The following MLLT10 variants were observed in gnomAD, a reference collection of about 807,000 sequenced individuals.
MLLT10 encodes protein AF-10.
MLLT10 carries 30 observed loss-of-function variants against 129.1 expected under a neutral mutation model. The observed-to-expected ratio is 0.23, with a 90% CI of 0.17 to 0.32. The LOEUF (loss-of-function observed/expected upper bound fraction) is 0.32. Ranked by LOEUF, MLLT10 falls within the 10% of genes least tolerant of loss-of-function variation. The probability of loss-of-function intolerance (pLI) is 1.00; values close to 1 mark genes in which losing one functional copy is unlikely to be tolerated. For missense variants in MLLT10, 1,119 were observed against 1,268.3 expected (o/e 0.88, Z 1.79); for synonymous variants, 490 against 446.4 (o/e 1.10, Z -1.23).
At chr10:21,650,209 T>C (rs1436069343) in intron 8 of MLLT10, among the ~76,000 whole-genome samples, 4 of 151,654 alleles carry the variant, frequency 2.6e-5, no homozygotes, top group African/African-American at 4.8e-5. Context: ...AAAAAAGCCT[T>C]GTGTGGTGGC....
chr10:21,620,766 C>T (rs1033710682), intron 8 of MLLT10, among the ~76,000 whole-genome samples: 1 of 152,072 alleles, frequency 6.6e-6, no homozygotes, highest in African/African-American at 2.4e-5. Flanking sequence ...TCTTGGCTCC[C>T]TGCAACCTCC....
chr10:21,571,417 G>GGA (rs2040192236), intron 3 of MLLT10, among the ~76,000 whole-genome samples: 1 of 152,146 alleles, frequency 6.6e-6, no homozygotes, highest in African/African-American at 2.4e-5. Flanking sequence ...CTCAACTTGG[G>GGA]GAGACTACAG....
At chr10:21,538,693 G>A in intron 2 of MLLT10, 140 bp from the exon 3 acceptor site, 1 of 572,708 alleles carries the variant, frequency 1.7e-6, no homozygotes, top group Non-Finnish European at 3.1e-6. Flanking sequence ...TGATAAATAG[G>A]ATGTGAACTG....
chr10:21,589,732 G>C (rs2042319403), intron 4 of MLLT10, among the ~76,000 whole-genome samples: 1 of 152,072 alleles, frequency 6.6e-6, no homozygotes, highest in Non-Finnish European at 1.5e-5. Flanking sequence ...GTTTGTTGAG[G>C]ATTATGCTAG....
At chr10:21,549,374 T>A (rs1433382955) in intron 3 of MLLT10, among the ~76,000 whole-genome samples, 1 of 152,182 alleles carries the variant, frequency 6.6e-6, no homozygotes, top group East Asian at 1.9e-4. Context: ...CCTCCCAAAG[T>A]GCTAGGATTA....
chr10:21,568,007 G>A (rs957957892), intron 3 of MLLT10, among the ~76,000 whole-genome samples: 7 of 151,844 alleles, frequency 4.6e-5, no homozygotes, highest in African/African-American at 1.7e-4. Context: ...TAGTAGAGAT[G>A]GGGTTTTGCC....
chr10:21,721,723 C>T (rs1476463322), intron 14 of MLLT10, among the ~76,000 whole-genome samples: 1 of 152,004 alleles, frequency 6.6e-6, no homozygotes, highest in Non-Finnish European at 1.5e-5. Context: ...GACTTGCAGA[C>T]GTTTAATATA....
chr10:21,592,297 T>TACTC (rs2042579344), intron 4 of MLLT10, among the ~76,000 whole-genome samples: 1 of 152,226 alleles, frequency 6.6e-6, no homozygotes, highest in Admixed American at 6.5e-5. Flanking sequence ...ATTTTCCTAT[T>TACTC]ACTCAAGGAA....
chr10:21,594,753 G>T (rs906571272), intron 4 of MLLT10, among the ~76,000 whole-genome samples: 1 of 149,970 alleles, frequency 6.7e-6, no homozygotes, highest in Non-Finnish European at 1.5e-5. Flanking sequence ...AGAATTGCTT[G>T]AACCTGGGAG....
At chr10:21,548,266 C>T (rs556611443) in intron 3 of MLLT10, among the ~76,000 whole-genome samples, 1 of 152,056 alleles carries the variant, frequency 6.6e-6, no homozygotes, top group African/African-American at 2.4e-5. Flanking sequence ...TCTTCAAATA[C>T]TGTAACCTTC....
Position 21,670,637 on chromosome 10 carries a change from G to A in MLLT10, c.984G>A (p.Arg328=), listed in dbSNP as rs746480566. Residue 328 remains arginine, a synonymous_variant, in exon 10 of 23, where the codon AGG becomes AGA. Coordinates refer to ENST00000307729, the MANE Select transcript of MLLT10 (RefSeq NM_001195626.3). ...KKSSAHSSGQ[R]GRKPGGGRNP... is the part of the protein sequence containing the mutation. ...CTTCAGCTCACAGCTCAGGTCAAAG[G>A]GGAAGAAAGCCTGGTGGTGGAAGAA... is the stretch of plus-strand genomic sequence containing the variant. The A allele has an allele frequency of 3.1e-6, 5 of 1,614,026 alleles. No homozygotes were observed. Among genetic ancestry groups the A allele is most frequent in the African/African-American group, 2.7e-5 (2 of 74,930 alleles).
At chr10:21,737,760 G>A (rs552368847) in intron 21 of MLLT10, among the ~76,000 whole-genome samples, 2 of 152,192 alleles carry the variant, frequency 1.3e-5, no homozygotes, top group South Asian at 2.1e-4. Context: ...GCTTCCTCCA[G>A]ACCCATTTCC....
chr10:21,700,903 G>T (rs574392845), intron 13 of MLLT10, among the ~76,000 whole-genome samples: 16 of 152,128 alleles, frequency 1.1e-4, no homozygotes, highest in Non-Finnish European at 1.9e-4. Flanking sequence ...AAGAGGATTG[G>T]TATTAGTTCC....
intron 6 of MLLT10, among the ~76,000 whole-genome samples, chr10:21,613,765 C>G (rs548281518): frequency 6.6e-6 from 1 of 152,082 alleles, no homozygotes; most frequent in Admixed American, 6.5e-5. Flanking sequence ...ATTAGCCGGG[C>G]ATGGTGAAGC....
intron 3 of MLLT10, among the ~76,000 whole-genome samples, chr10:21,561,482 A>T (rs1275106870): frequency 6.6e-6 from 1 of 151,908 alleles, no homozygotes; most frequent in East Asian, 1.9e-4. Context: ...GATGGTCTCA[A>T]CCTCCTGACC....
At chr10:21,656,161 G>T (rs1203077737) in intron 9 of MLLT10, among the ~76,000 whole-genome samples, 1 of 152,114 alleles carries the variant, frequency 6.6e-6, no homozygotes, top group East Asian at 1.9e-4. Context: ...GAAGCCTTCA[G>T]TCATAGGTTC....
chr10:21,628,229 A>G (rs1041454633), intron 8 of MLLT10, among the ~76,000 whole-genome samples: 3 of 152,182 alleles, frequency 2.0e-5, no homozygotes, highest in African/African-American at 7.2e-5. Flanking sequence ...AACCAGGAGT[A>G]ATCTGTAAAT....
At chr10:21,667,788 G>C (rs976532167) in intron 9 of MLLT10, among the ~76,000 whole-genome samples, 9 of 151,896 alleles carry the variant, frequency 5.9e-5, no homozygotes, top group African/African-American at 1.9e-4. Flanking sequence ...TGTTTCTTTG[G>C]TTACTTGTTA....
At chr10:21,696,045 T>A (rs573847907) in intron 13 of MLLT10, among the ~76,000 whole-genome samples, 1 of 151,402 alleles carries the variant, frequency 6.6e-6, no homozygotes, top group South Asian at 2.1e-4. Context: ...AGTTTCATCC[T>A]TCCATCCATC....
Sources: allele counts gnomAD v4.1 joint callset (sites outside exome capture counted in the v4.1 genomes callset), GRCh38; gene constraint gnomAD v4.1.1; transcripts MANE v1.5; gene names NCBI Gene and HGNC (gene_info 2026-07-23, HGNC 2026-07-21).